The following SMAD3 variants were observed in gnomAD, a reference collection of about 807,000 sequenced individuals.
SMAD3 encodes the protein SMAD family member 3.
SMAD3 carries 12 observed loss-of-function variants against 51.8 expected under a neutral mutation model. That is an observed-to-expected ratio of 0.23 (90% CI 0.15 to 0.38). The LOEUF (loss-of-function observed/expected upper bound fraction) is 0.38, where lower values mean the gene tolerates loss of function less well. SMAD3 is among the 10% of genes least tolerant of loss of function. SMAD3 has a pLI of 1.00. For synonymous variants in SMAD3, 238 were observed against 227.7 expected (o/e 1.05, Z -0.41); for missense variants, 294 against 565.6 (o/e 0.52, Z 4.87).
intron 1 of SMAD3, among the ~76,000 whole-genome samples, chr15:67,098,156 G>A (rs1205956367): frequency 2.6e-5 from 4 of 152,146 alleles, no homozygotes; most frequent in Non-Finnish European, 5.9e-5. Context: ...CTAACACGGT[G>A]AGTCTTCAGT....
intron 5 of SMAD3, among the ~76,000 whole-genome samples, chr15:67,180,905 C>T (rs1049084500): frequency 1.3e-5 from 2 of 152,016 alleles, no homozygotes; most frequent in Non-Finnish European, 2.9e-5. Flanking sequence ...CAGGTTTGGC[C>T]CAGCCCCTCC....
At chr15:67,102,440 A>G (rs1474737080) in intron 1 of SMAD3, among the ~76,000 whole-genome samples, 1 of 152,202 alleles carries the variant, frequency 6.6e-6, no homozygotes, top group African/African-American at 2.4e-5. Flanking sequence ...ACCACTTAAA[A>G]TGTGTGAAAT....
intron 1 of SMAD3, among the ~76,000 whole-genome samples, chr15:67,119,293 T>G (rs921065299): frequency 4.6e-5 from 7 of 152,182 alleles, no homozygotes; most frequent in African/African-American, 1.7e-4. Context: ...TGTTTTAGAT[T>G]CTGTAACCTG....
intron 1 of SMAD3, among the ~76,000 whole-genome samples, chr15:67,110,329 A>G (rs1343531596): frequency 6.6e-6 from 1 of 152,192 alleles, no homozygotes; most frequent in African/African-American, 2.4e-5. Context: ...TGGTGGAGGA[A>G]AGGCCAGGAA....
rs115213021 is a variant in SMAD3 at position 67,190,779 on chromosome 15, G to A, written c.*243G>A. On this transcript the variant is annotated 3_prime_UTR_variant, in exon 9 of 9. Coordinates refer to ENST00000327367, the MANE Select transcript of SMAD3 (RefSeq NM_005902.4). The stretch of plus-strand genomic sequence containing the variant: ...CCCACTTTGAAGGGCAAGAAATGGC[G>A]TCTGCTCTGGTGGCTTAAGTGAGCA... 5.8e-4 allele frequency: 332 copies of A among 569,920 alleles called. 1 individual carries two copies. Among genetic ancestry groups the A allele is most frequent in the African/African-American group, 5.0e-3 (267 of 53,548 alleles). 35.3% of individuals were successfully genotyped at this position (569,920 alleles called of 1,614,324 possible).
intron 1 of SMAD3, among the ~76,000 whole-genome samples, chr15:67,143,424 T>C (rs1961886734): frequency 6.6e-6 from 1 of 152,200 alleles, no homozygotes; most frequent in African/African-American, 2.4e-5. Context: ...AATCCATATT[T>C]CCATCAGAAT....
At chr15:67,103,434 A>G (rs1960805742) in intron 1 of SMAD3, among the ~76,000 whole-genome samples, 1 of 152,194 alleles carries the variant, frequency 6.6e-6, no homozygotes, top group South Asian at 2.1e-4. Flanking sequence ...ACAGCAGAAC[A>G]CGATGCAAAC....
intron 1 of SMAD3, among the ~76,000 whole-genome samples, chr15:67,153,612 T>C (rs1342911677): frequency 6.6e-6 from 1 of 152,016 alleles, no homozygotes; most frequent in Non-Finnish European, 1.5e-5. Flanking sequence ...CATTTGGCAA[T>C]GTTTAGAGGT....
chr15:67,161,271 T>A (rs959660312), intron 1 of SMAD3, among the ~76,000 whole-genome samples: 2 of 152,248 alleles, frequency 1.3e-5, no homozygotes, highest in African/African-American at 4.8e-5. Flanking sequence ...TTAGGTTCCA[T>A]TGATCCGTTT....
intron 1 of SMAD3, among the ~76,000 whole-genome samples, chr15:67,084,290 C>T (rs891139640): frequency 1.3e-5 from 2 of 151,152 alleles, no homozygotes; most frequent in Non-Finnish European, 2.9e-5. Flanking sequence ...TTTGTGTTAG[C>T]CAGGATGGTC....
intron 1 of SMAD3, among the ~76,000 whole-genome samples, chr15:67,097,200 G>GT (rs1169061340): frequency 1.3e-4 from 19 of 151,430 alleles, no homozygotes; most frequent in Admixed American, 3.3e-4. Flanking sequence ...TTTTTTTGTG[G>GT]TTTTTTTTGT....
At chr15:67,130,383 AC>A (rs564878162) in intron 1 of SMAD3, among the ~76,000 whole-genome samples, 163 of 152,294 alleles carry the variant, frequency 1.1e-3, no homozygotes, top group African/African-American at 3.7e-3. Context: ...CCTGTTAGGA[AC>A]CGGGTCTCGT....
chr15:67,134,620 C>T (rs1349450754), intron 1 of SMAD3, among the ~76,000 whole-genome samples: 1 of 152,198 alleles, frequency 6.6e-6, no homozygotes, highest in African/African-American at 2.4e-5. Flanking sequence ...TTGACCCATC[C>T]CAGCCCCTTG....
At chr15:67,068,026 T>G (rs563492545) in intron 1 of SMAD3, among the ~76,000 whole-genome samples, 84 of 152,106 alleles carry the variant, frequency 5.5e-4, no homozygotes, top group African/African-American at 2.0e-3. Context: ...AGAAAAAAAG[T>G]GGTATCAATT....
At chr15:67,137,777 A>G (rs1007258688) in intron 1 of SMAD3, among the ~76,000 whole-genome samples, 1 of 152,156 alleles carries the variant, frequency 6.6e-6, no homozygotes, top group Admixed American at 6.5e-5. Context: ...TTCTCTGGTA[A>G]TCTGGCCAGA....
chr15:67,075,506 G>A (rs1960148182), intron 1 of SMAD3, among the ~76,000 whole-genome samples: 1 of 152,194 alleles, frequency 6.6e-6, no homozygotes, highest in African/African-American at 2.4e-5. Flanking sequence ...TGATGGGTTT[G>A]GGTTTGAGTC....
chr15:67,152,263 TGTC>T (rs1436818091), intron 1 of SMAD3, among the ~76,000 whole-genome samples: 2 of 152,234 alleles, frequency 1.3e-5, no homozygotes, highest in Non-Finnish European at 2.9e-5. Context: ...AACATCATGT[TGTC>T]GTAGAATGAA....
intron 8 of SMAD3, among the ~76,000 whole-genome samples, chr15:67,189,154 A>G (rs3784683): frequency 0.98 from 148,641 of 152,320 alleles, 72,627 homozygotes; most frequent in Non-Finnish European, 1. Flanking sequence ...TTTTTTAGTG[A>G]AGAAGGGAAA....
At chr15:67,170,668 T>G in intron 5 of SMAD3, 64 bp downstream of exon 5, 4 of 1,409,456 alleles carry the variant, frequency 2.8e-6, no homozygotes, top group Non-Finnish European at 4.0e-6. Context: ...GAGTCGCCAG[T>G]GTGGGGAGGG....
Sources: gnomAD v4.1 joint callset for allele counts (sites outside exome capture counted in the v4.1 genomes callset) on GRCh38, gnomAD v4.1.1 for gene constraint, MANE v1.5 for transcripts, NCBI Gene and HGNC (gene_info 2026-07-23, HGNC 2026-07-21) for gene names.